The following COG5 variants were observed in gnomAD, a reference collection of about 807,000 sequenced individuals.
COG5 encodes the protein component of oligomeric golgi complex 5.
Under a neutral mutation model 110.4 loss-of-function variants are expected in COG5, and 86 were observed. The observed-to-expected ratio is 0.78, with a 90% CI of 0.65 to 0.93. The LOEUF is 0.93. COG5 is among the 40% of genes least tolerant of loss of function. The pLI is 0.00. For synonymous variants in COG5, 360 were observed against 334.6 expected (o/e 1.08, Z -0.83); for missense variants, 1,077 against 987.0 (o/e 1.09, Z -1.22).
intron 21 of COG5, chr7:107,210,275 G>A: frequency 1.4e-6 from 2 of 1,387,160 alleles, no homozygotes; most frequent in Non-Finnish European, 1.9e-6. Context: ...TGGTCCTTAG[G>A]GTTGCATGGG....
At chr7:107,231,899 A>T (rs932176123) in intron 18 of COG5, among the ~76,000 whole-genome samples, 2 of 152,350 alleles carry the variant, frequency 1.3e-5, no homozygotes, top group East Asian at 3.9e-4. Flanking sequence ...GTATTTGTGT[A>T]TATGTCCACA....
chr7:107,387,076 T>C (rs912237434), intron 7 of COG5, among the ~76,000 whole-genome samples: 1 of 151,924 alleles, frequency 6.6e-6, no homozygotes, highest in Admixed American at 6.6e-5. Context: ...AGAAGGGGAG[T>C]TCTTAGCTTG....
At chr7:107,445,872 T>G (rs1794976804) in intron 6 of COG5, among the ~76,000 whole-genome samples, 2 of 152,118 alleles carry the variant, frequency 1.3e-5, no homozygotes, top group Non-Finnish European at 2.9e-5. Context: ...AAGAGACACT[T>G]ATACCTACGG....
intron 11 of COG5, among the ~76,000 whole-genome samples, chr7:107,308,618 T>C (rs150849984): frequency 0.01 from 1,558 of 152,268 alleles, 10 homozygotes; most frequent in Middle Eastern, 0.031. Context: ...ATTTATCTCA[T>C]GAATTATTTG....
intron 19 of COG5, among the ~76,000 whole-genome samples, chr7:107,218,981 T>C (rs1400630392): frequency 1.3e-5 from 2 of 152,042 alleles, no homozygotes; most frequent in Non-Finnish European, 2.9e-5. Flanking sequence ...TCAAAATCTA[T>C]ACGGAACACA....
intron 6 of COG5, among the ~76,000 whole-genome samples, chr7:107,510,993 G>T (rs1393047327): frequency 6.6e-6 from 1 of 151,816 alleles, no homozygotes. Flanking sequence ...AACTAGAAAA[G>T]CAAGAGCAAA....
chr7:107,557,479 G>C (rs1803406479), intron 2 of COG5, among the ~76,000 whole-genome samples: 3 of 152,166 alleles, frequency 2.0e-5, no homozygotes, highest in Admixed American at 2.0e-4. Flanking sequence ...AAGACTTTAA[G>C]TGATATTAAA....
chr7:107,217,958 T>C (rs1336140249), intron 19 of COG5, among the ~76,000 whole-genome samples: 1 of 151,650 alleles, frequency 6.6e-6, no homozygotes, highest in Non-Finnish European at 1.5e-5. Context: ...ATCTTACATA[T>C]CCAAAACCAA....
At chr7:107,482,725 T>C (rs1461231513) in intron 6 of COG5, among the ~76,000 whole-genome samples, 2 of 152,176 alleles carry the variant, frequency 1.3e-5, no homozygotes, top group African/African-American at 4.8e-5. Flanking sequence ...TAAACAAGGT[T>C]ATCTAGACAA....
At chr7:107,447,541 T>C (rs977959189) in intron 6 of COG5, among the ~76,000 whole-genome samples, 1 of 152,250 alleles carries the variant, frequency 6.6e-6, no homozygotes, top group Non-Finnish European at 1.5e-5. Flanking sequence ...TACAGTTATA[T>C]ATAAGGTGTT....
chr7:107,351,672 AAAG>A (rs888835247), intron 10 of COG5, among the ~76,000 whole-genome samples: 40 of 152,342 alleles, frequency 2.6e-4, no homozygotes, highest in Middle Eastern at 3.4e-3. Flanking sequence ...ACACTTCTCA[AAAG>A]AAGACATTTA....
At chr7:107,405,367 T>A (rs1431669722) in intron 7 of COG5, among the ~76,000 whole-genome samples, 1 of 152,200 alleles carries the variant, frequency 6.6e-6, no homozygotes, top group Non-Finnish European at 1.5e-5. Context: ...ATGACACCTC[T>A]GTCTTGTTGC....
At chr7:107,514,862 A>C (rs1488640244) in intron 6 of COG5, among the ~76,000 whole-genome samples, 1 of 152,230 alleles carries the variant, frequency 6.6e-6, no homozygotes, top group Non-Finnish European at 1.5e-5. Context: ...TGCAAAGTGC[A>C]GATGAGCCAA....
At chr7:107,559,630 T>C (rs1803618724) in intron 1 of COG5, among the ~76,000 whole-genome samples, 1 of 152,198 alleles carries the variant, frequency 6.6e-6, no homozygotes, top group East Asian at 1.9e-4. Context: ...TAAAGGCTCA[T>C]ACTCTTGATT....
chr7:107,512,411 G>C (rs1799589400), intron 6 of COG5, among the ~76,000 whole-genome samples: 1 of 152,188 alleles, frequency 6.6e-6, no homozygotes, highest in South Asian at 2.1e-4. Flanking sequence ...ACAAACAAAT[G>C]GAAGAACATT....
intron 6 of COG5, among the ~76,000 whole-genome samples, chr7:107,443,026 T>G (rs1315803758): frequency 6.6e-6 from 1 of 152,160 alleles, no homozygotes; most frequent in South Asian, 2.1e-4. Context: ...ATCTCTCAAA[T>G]TGTATTACCT....
intron 6 of COG5, among the ~76,000 whole-genome samples, chr7:107,478,963 T>C (rs1797151272): frequency 6.6e-6 from 1 of 152,098 alleles, no homozygotes; most frequent in Non-Finnish European, 1.5e-5. Context: ...AAGTAAGCTT[T>C]GTGATTCAAT....
chr7:107,490,256 T>C (rs185460655), intron 6 of COG5, among the ~76,000 whole-genome samples: 78 of 152,202 alleles, frequency 5.1e-4, no homozygotes, highest in African/African-American at 1.8e-3. Context: ...CCTCAAACCC[T>C]TGAGCTCAAG....
chr7:107,328,892 C>T (rs1256137912), intron 10 of COG5, among the ~76,000 whole-genome samples: 2 of 152,112 alleles, frequency 1.3e-5, no homozygotes, highest in Non-Finnish European at 2.9e-5. Context: ...GTGATCTTGG[C>T]TCATTGCAAC....
Sources: allele counts gnomAD v4.1 joint callset (sites outside exome capture counted in the v4.1 genomes callset), GRCh38; gene constraint gnomAD v4.1.1; transcripts MANE v1.5; gene names NCBI Gene and HGNC (gene_info 2026-07-23, HGNC 2026-07-21).